Variants in SLC8A1 observed in about 807,000 individuals in gnomAD.
The protein encoded by SLC8A1 is solute carrier family 8 member A1, also known as sodium/calcium exchanger 1.
SLC8A1 carries 18 observed loss-of-function variants against 68.3 expected under a neutral mutation model. That is an observed-to-expected ratio of 0.26 (90% CI 0.18 to 0.39). The LOEUF is 0.39. Among genes scored for constraint, SLC8A1 ranks in the 10% least tolerant of loss-of-function variants. The pLI, the probability that SLC8A1 is intolerant of heterozygous loss-of-function variation, is 1.00. For synonymous variants in SLC8A1, 475 were observed against 415.5 expected (o/e 1.14, Z -1.74); for missense variants, 985 against 1,156.7 (o/e 0.85, Z 2.15).
intron 5 of SLC8A1, among the ~76,000 whole-genome samples, chr2:40,162,856 C>T (rs553066306): frequency 1.3e-5 from 2 of 152,126 alleles, no homozygotes; most frequent in African/African-American, 4.8e-5. Flanking sequence ...TAAATAAGAA[C>T]TCAGTGGGTA....
chr2:40,169,301 G>A (rs989725294), intron 4 of SLC8A1, among the ~76,000 whole-genome samples: 2 of 152,166 alleles, frequency 1.3e-5, no homozygotes, highest in African/African-American at 4.8e-5. Flanking sequence ...CAAGGCCAGT[G>A]GTGGGACAAT....
intron 2 of SLC8A1, among the ~76,000 whole-genome samples, chr2:40,365,801 G>C (rs1336331184): frequency 2.0e-5 from 3 of 151,892 alleles, no homozygotes; most frequent in Non-Finnish European, 4.4e-5. Flanking sequence ...AGGAGTTCAA[G>C]ACCAAACTGG....
At chr2:40,312,844 G>A (rs2073911236) in intron 2 of SLC8A1, among the ~76,000 whole-genome samples, 1 of 152,106 alleles carries the variant, frequency 6.6e-6, no homozygotes, top group Non-Finnish European at 1.5e-5. Flanking sequence ...ATGTTCTAGA[G>A]ATCGATTGTT....
At chr2:40,239,333 A>T (rs2060888989) in intron 2 of SLC8A1, among the ~76,000 whole-genome samples, 1 of 152,166 alleles carries the variant, frequency 6.6e-6, no homozygotes, top group South Asian at 2.1e-4. Context: ...ACACACCAAG[A>T]TCACTGAGTT....
chr2:40,322,608 T>C (rs1019852039), intron 2 of SLC8A1, among the ~76,000 whole-genome samples: 1 of 151,690 alleles, frequency 6.6e-6, no homozygotes, highest in African/African-American at 2.4e-5. Flanking sequence ...CTCAGGAGTC[T>C]GATGCTGCAG....
intron 1 of SLC8A1, among the ~76,000 whole-genome samples, chr2:40,463,089 G>A (rs1703440054): frequency 6.6e-6 from 1 of 152,174 alleles, no homozygotes; most frequent in Non-Finnish European, 1.5e-5. Flanking sequence ...TAACATTGTG[G>A]TAAGTGGCAG....
chr2:40,468,499 A>T (rs924634145), intron 1 of SLC8A1, among the ~76,000 whole-genome samples: 11 of 152,160 alleles, frequency 7.2e-5, no homozygotes, highest in African/African-American at 2.2e-4. Context: ...AATAATTTTT[A>T]GATTATTACA....
intron 2 of SLC8A1, among the ~76,000 whole-genome samples, chr2:40,280,955 A>G (rs998935718): frequency 6.6e-6 from 1 of 152,230 alleles, no homozygotes; most frequent in African/African-American, 2.4e-5. Context: ...TGTTAGCATG[A>G]ATAGAATGAA....
chr2:40,451,418 G>A (rs565108366), intron 1 of SLC8A1, among the ~76,000 whole-genome samples: 1 of 152,248 alleles, frequency 6.6e-6, no homozygotes, highest in East Asian at 1.9e-4. Flanking sequence ...GGAAAACAGG[G>A]GGCTCGGAAA....
At chr2:40,141,656 T>A (rs1206329303) in intron 6 of SLC8A1, among the ~76,000 whole-genome samples, 1 of 152,198 alleles carries the variant, frequency 6.6e-6, no homozygotes, top group Non-Finnish European at 1.5e-5. Context: ...CAGAAGATAC[T>A]TTTTAATAAA....
chr2:40,159,123 G>A (rs1488467169), intron 6 of SLC8A1, among the ~76,000 whole-genome samples: 1 of 152,036 alleles, frequency 6.6e-6, no homozygotes, highest in Non-Finnish European at 1.5e-5. Flanking sequence ...GGGTCATCTC[G>A]GCCATCTCTC....
intron 1 of SLC8A1, among the ~76,000 whole-genome samples, chr2:40,458,134 C>T (rs982248230): frequency 6.6e-6 from 1 of 152,162 alleles, no homozygotes; most frequent in African/African-American, 2.4e-5. Flanking sequence ...GTGGCAAAGA[C>T]GAGTGATAAA....
At chr2:40,181,133 C>T (rs1283513553) in intron 2 of SLC8A1, among the ~76,000 whole-genome samples, 4 of 151,900 alleles carry the variant, frequency 2.6e-5, no homozygotes, top group African/African-American at 9.7e-5. Context: ...CTAATTTTTG[C>T]ATTTTTAGTA....
chr2:40,341,226 A>C (rs1156327013), intron 2 of SLC8A1, among the ~76,000 whole-genome samples: 1 of 152,166 alleles, frequency 6.6e-6, no homozygotes, highest in Admixed American at 6.5e-5. Context: ...TCGTGAAACA[A>C]GTCAATTCAT....
chr2:40,106,865 G>A (rs924212727), exon 8 of SLC8A1: 2 of 152,172 alleles, frequency 1.3e-5, no homozygotes, highest in African/African-American at 4.8e-5. Flanking sequence ...GGCTGGTTAA[G>A]TAGTTTCCAA....
chr2:40,455,639 G>T (rs928880833), upstream of SLC8A1, among the ~76,000 whole-genome samples: 1 of 152,198 alleles, frequency 6.6e-6, no homozygotes, highest in Non-Finnish European at 1.5e-5. Flanking sequence ...GAACCATTGG[G>T]TTCCCAGTTT....
rs3838567 is a variant in SLC8A1 at position 40,428,423 on chromosome 2, C to CCA, written c.1808+48_1808+49dup. On this transcript the variant is annotated intron_variant, in intron 2 of 7. Coordinates refer to ENST00000406785, the Ensembl canonical transcript of SLC8A1. ...GACTCACATTCATAAACACACTGAA[C>CCA]CACACACACACACACACACACACAC... 7,209 of 1,393,626 alleles carry CCA rather than the reference C, an allele frequency of 5.2e-3. 68 individuals carry two copies. In the Admixed American group the frequency reaches 0.055, roughly 11 times the overall value. 86.3% of individuals were successfully genotyped at this position (1,393,626 alleles called of 1,614,324 possible).
intron 2 of SLC8A1, among the ~76,000 whole-genome samples, chr2:40,224,785 A>G (rs1229124302): frequency 1.3e-5 from 2 of 152,268 alleles, no homozygotes; most frequent in Middle Eastern, 3.4e-3. Flanking sequence ...GTTGCAATCT[A>G]TCCATCTGAC....
chr2:40,220,340 C>T (rs950185826), intron 2 of SLC8A1: 1 of 152,116 alleles, frequency 6.6e-6, no homozygotes, highest in African/African-American at 2.4e-5. Context: ...GCTCTTTCAC[C>T]TCTTGTGCAA....
Sources: gnomAD v4.1 joint callset for allele counts (sites outside exome capture counted in the v4.1 genomes callset) on GRCh38, gnomAD v4.1.1 for gene constraint, MANE v1.5 for transcripts, NCBI Gene and HGNC (gene_info 2026-07-23, HGNC 2026-07-21) for gene names.